SLC5A3: variants seen among roughly 807,000 people sequenced by gnomAD.
The protein encoded by SLC5A3 is sodium/myo-inositol cotransporter.
In SLC5A3, 10 loss-of-function variants were observed where a neutral mutation model predicts 43.2. The observed-to-expected ratio is 0.23, with a 90% CI of 0.14 to 0.39. SLC5A3 has a LOEUF of 0.39. SLC5A3 is among the 10% of genes least tolerant of loss of function. SLC5A3 has a pLI of 1.00. For synonymous variants in SLC5A3, 349 were observed against 322.0 expected (o/e 1.08, Z -0.90); for missense variants, 608 against 893.4 (o/e 0.68, Z 4.07).
intron 1 of SLC5A3, among the ~76,000 whole-genome samples, chr21:34,079,427 C>A (rs1270676720): frequency 1.3e-5 from 2 of 151,146 alleles, no homozygotes; most frequent in African/African-American, 2.4e-5. Flanking sequence ...CCCTTGATTT[C>A]TCCCTTCTTC....
At chr21:34,086,666 G>A (rs10854369) in intron 1 of SLC5A3, among the ~76,000 whole-genome samples, 123,813 of 152,068 alleles carry the variant, frequency 0.81, 52,873 homozygotes, top group East Asian at 0.94. Flanking sequence ...TGTAAATTGG[G>A]GATCATTATC....
At chr21:34,091,954 G>A (rs777330040) in intron 1 of SLC5A3, among the ~76,000 whole-genome samples, 4 of 152,014 alleles carry the variant, frequency 2.6e-5, no homozygotes, top group Non-Finnish European at 5.9e-5. Context: ...AGAGGTTTGC[G>A]TGAATGATGA....
At chr21:34,085,366 AGTCATTTG>A (rs1978328011) in intron 1 of SLC5A3, among the ~76,000 whole-genome samples, 1 of 152,222 alleles carries the variant, frequency 6.6e-6, no homozygotes, top group African/African-American at 2.4e-5. Context: ...TTTGTTAAGC[AGTCATTTG>A]GTTAGGTGGC....
In SLC5A3 at chr21:34,099,664, CTACCTT is replaced by C; in HGVS notation, c.*2310_*2315del. ...AGTAGTTTGGAGAATTAGGGTCCCT[CTACCTT>C]CTTTCTGCTCTTGTCTTAGTAAGAT... is the stretch of plus-strand genomic sequence containing the variant. On this transcript the variant is annotated 3_prime_UTR_variant, in exon 2 of 2. Coordinates refer to ENST00000381151, the MANE Select transcript of SLC5A3 (RefSeq NM_006933.7). The C allele has an allele frequency of 1.0e-6, 1 of 997,952 alleles. No homozygotes were observed. The highest frequency in any genetic ancestry group is 1.2e-6 in the Non-Finnish European group (1 of 829,588). The allele number at this position is 997,952 out of a possible 1,614,324, so 61.8% of individuals were successfully genotyped here.
Position 34,100,596 on chromosome 21 carries a change from C to CT in SLC5A3, c.*3243dup, listed in dbSNP as rs758443609. On this transcript the variant is annotated 3_prime_UTR_variant, in exon 2 of 2. Coordinates refer to ENST00000381151, the MANE Select transcript of SLC5A3 (RefSeq NM_006933.7). ...TGGCCAGGGTCATGTAGCCATAGCT[C>CT]TTAGGGATGATACCTCAAGAAATTA... The CT allele has an allele frequency of 4.1e-4, 411 of 1,000,042 alleles. 3 individuals are homozygous for CT. The Middle Eastern group carries it at 6.2e-3, about 15-fold the overall frequency. 61.9% of individuals were successfully genotyped at this position (1,000,042 alleles called of 1,614,324 possible).
At chr21:34,084,333 A>G (rs75257007) in intron 1 of SLC5A3, among the ~76,000 whole-genome samples, 3,146 of 152,284 alleles carry the variant, frequency 0.021, 109 homozygotes, top group African/African-American at 0.071. Context: ...AGCAGAAGCG[A>G]TTTCCTTCTA....
chr21:34,089,392 A>G (rs1294295279), intron 1 of SLC5A3, among the ~76,000 whole-genome samples: 1 of 151,750 alleles, frequency 6.6e-6, no homozygotes, highest in Non-Finnish European at 1.5e-5. Flanking sequence ...ATCTAGTATC[A>G]TTCACATAAA....
At chr21:34,084,800 T>A (rs1309499352) in intron 1 of SLC5A3, among the ~76,000 whole-genome samples, 2 of 152,206 alleles carry the variant, frequency 1.3e-5, no homozygotes, top group African/African-American at 4.8e-5. Context: ...TATCTTAAAA[T>A]TTTTTTCATT....
chr21:34,078,015 G>A (rs1989374210), intron 1 of SLC5A3, among the ~76,000 whole-genome samples: 2 of 152,162 alleles, frequency 1.3e-5, no homozygotes, highest in Admixed American at 1.3e-4. Flanking sequence ...ACTGAAGTAT[G>A]AGTCAGGTCA....
chr21:34,087,734 G>C (rs531600504), intron 1 of SLC5A3, among the ~76,000 whole-genome samples: 1 of 152,358 alleles, frequency 6.6e-6, no homozygotes, highest in Admixed American at 6.5e-5. Flanking sequence ...AGGGTTGACT[G>C]CTTGCTGTGC....
At chr21:34,077,464 TC>T (rs1371273280) in intron 1 of SLC5A3, among the ~76,000 whole-genome samples, 2 of 152,324 alleles carry the variant, frequency 1.3e-5, no homozygotes, top group South Asian at 2.1e-4. Context: ...TTTCCTGAAA[TC>T]TTCTCATTGG....
At position 34,106,062 on chromosome 21, in the gene SLC5A3, A is replaced by C. The variant is rs767165627; in HGVS notation, c.*8707A>C. The C allele has an allele frequency of 1.0e-6, 1 of 998,200 alleles. No homozygotes were observed. 61.8% of individuals were successfully genotyped at this position (998,200 alleles called of 1,614,324 possible). On this transcript the variant is annotated 3_prime_UTR_variant, in exon 2 of 2. Coordinates refer to ENST00000381151, the MANE Select transcript of SLC5A3 (RefSeq NM_006933.7). The stretch of plus-strand genomic sequence containing the variant: ...GTTTTCATTACTGACTCTGTAAAAT[A>C]CACTGTTCTTTGTGTACTGTGTGTT...
Position 34,102,261 on chromosome 21 carries a change from C to T in SLC5A3, c.*4906C>T. On this transcript the variant is annotated 3_prime_UTR_variant, in exon 2 of 2. Transcript: ENST00000381151. ...CAGTGGTGAGTCCCACACCATTATT[C>T]ACTTAGTAGTCATATAAATGTTTTT... 1 of 999,854 alleles carries T rather than the reference C, an allele frequency of 1.0e-6. No individual in the cohort carries two copies. The highest frequency in any genetic ancestry group is 1.2e-6 in the Non-Finnish European group (1 of 829,756). The allele number at this position is 999,854 out of a possible 1,614,324, so 61.9% of individuals were successfully genotyped here.
In SLC5A3 at chr21:34,099,178, G is replaced by A. The variant is rs959786081; in HGVS notation, c.*1823G>A. ...ATAGCATGTATTTCTGAAGAGCTTAGAGTGCCTTGTAGAATTTTTTTCTCA... is the reference window on the plus strand; with the variant it reads ...ATAGCATGTATTTCTGAAGAGCTTAAAGTGCCTTGTAGAATTTTTTTCTCA... On this transcript the variant is annotated 3_prime_UTR_variant, in exon 2 of 2. Coordinates refer to ENST00000381151, the MANE Select transcript of SLC5A3 (RefSeq NM_006933.7). 2.0e-6 allele frequency: 2 copies of A among 999,386 alleles called. No homozygotes were observed. Among genetic ancestry groups the A allele is most frequent in the African/African-American group, 3.5e-5 (2 of 57,210 alleles). The allele number at this position is 999,386 out of a possible 1,614,324, so 61.9% of individuals were successfully genotyped here.
chr21:34,074,125 G>A (rs1166168573), intron 1 of SLC5A3, among the ~76,000 whole-genome samples: 1 of 148,568 alleles, frequency 6.7e-6, no homozygotes, highest in Non-Finnish European at 1.5e-5. Context: ...ACTCCGGCCC[G>A]TCCCCGCCAG....
At chr21:34,090,587 C>T (rs1978635718) in intron 1 of SLC5A3, among the ~76,000 whole-genome samples, 1 of 152,156 alleles carries the variant, frequency 6.6e-6, no homozygotes, top group Non-Finnish European at 1.5e-5. Flanking sequence ...ATGCCTTGCA[C>T]ATAGTTGACA....
Position 34,100,376 on chromosome 21 carries a change from A to T in SLC5A3, c.*3021A>T, listed in dbSNP as rs571764406. 8.5e-5 allele frequency: 85 copies of T among 1,000,224 alleles called. No homozygotes were observed. In the African/African-American group the frequency reaches 1.5e-3, roughly 17 times the overall value. The allele number at this position is 1,000,224 out of a possible 1,614,324, so 62.0% of individuals were successfully genotyped here. A position where few individuals can be genotyped will look rare whatever the true frequency, so the allele number is the denominator to read the frequency against. Reference sequence around the variant, plus strand: ...ATATTCTGTTCTGCCACCCCCAGAGAGTAAACACTTGAGCCGATTTCTTCT... The same window carrying T: ...ATATTCTGTTCTGCCACCCCCAGAGTGTAAACACTTGAGCCGATTTCTTCT... On this transcript the variant is annotated 3_prime_UTR_variant, in exon 2 of 2. Coordinates refer to ENST00000381151, the MANE Select transcript of SLC5A3 (RefSeq NM_006933.7).
At chr21:34,088,365 A>C (rs1164581277) in intron 1 of SLC5A3, among the ~76,000 whole-genome samples, 1 of 143,086 alleles carries the variant, frequency 7.0e-6, no homozygotes. Flanking sequence ...CAGCTGACCC[A>C]TCAGGGCTTT....
chr21:34,094,491 A>G (rs1378161222), intron 1 of SLC5A3, among the ~76,000 whole-genome samples: 3 of 152,116 alleles, frequency 2.0e-5, no homozygotes, highest in African/African-American at 7.2e-5. Context: ...CCTTATTACG[A>G]ATATAATTAG....
Sources: gnomAD v4.1 joint callset for allele counts (sites outside exome capture counted in the v4.1 genomes callset) on GRCh38, gnomAD v4.1.1 for gene constraint, MANE v1.5 for transcripts, NCBI Gene and HGNC (gene_info 2026-07-23, HGNC 2026-07-21) for gene names.